SLC35D4: variants seen among roughly 807,000 people sequenced by gnomAD.
SLC35D4 encodes the protein solute carrier family 35 member D4, also known as UDP-N-acetylglucosamine transporter SLC35D4.
chr18:23,280,520 G>A, the SLC35D4 span, among the ~76,000 whole-genome samples: 14 of 152,230 alleles, frequency 9.2e-5, no homozygotes, highest in Admixed American at 6.5e-5. Flanking sequence ...GGATATTTCA[G>A]AAGTAGTTGC....
At chr18:23,377,624 G>A in the SLC35D4 span, 3,783 of 1,570,474 alleles carry the variant, frequency 2.4e-3, 10 homozygotes, top group Non-Finnish European at 3.0e-3. Flanking sequence ...ATGGCTTTTT[G>A]GGGGGAGGGC....
chr18:23,246,447 A>G, the SLC35D4 span, among the ~76,000 whole-genome samples: 1 of 151,852 alleles, frequency 6.6e-6, no homozygotes, highest in Non-Finnish European at 1.5e-5. Flanking sequence ...GCTGAAGTGC[A>G]GTGGCAAGAT....
chr18:23,406,223 G>A, the SLC35D4 span, among the ~76,000 whole-genome samples: 1 of 152,178 alleles, frequency 6.6e-6, no homozygotes, highest in Admixed American at 6.5e-5. Flanking sequence ...CCAAGGAACT[G>A]CCAGCAATTT....
At chr18:23,399,699 A>C in the SLC35D4 span, 1 of 1,584,278 alleles carries the variant, frequency 6.3e-7, no homozygotes, top group Non-Finnish European at 8.6e-7. Flanking sequence ...TTGTTAAGAA[A>C]GACCTAGCTG....
chr18:23,258,466 C>T, the SLC35D4 span: 5 of 152,182 alleles, frequency 3.3e-5, no homozygotes, highest in African/African-American at 2.4e-5. Flanking sequence ...AACATTCCCA[C>T]GTGCCCAGGG....
chr18:23,412,791 T>G, the SLC35D4 span, among the ~76,000 whole-genome samples: 1 of 152,206 alleles, frequency 6.6e-6, no homozygotes, highest in Non-Finnish European at 1.5e-5. Flanking sequence ...CAACCGTTTA[T>G]GTATTGTCTG....
chr18:23,285,142 G>A, the SLC35D4 span, among the ~76,000 whole-genome samples: 4 of 152,002 alleles, frequency 2.6e-5, no homozygotes, highest in Non-Finnish European at 4.4e-5. Flanking sequence ...TCTGTGCCCC[G>A]ATCCCTTATT....
At chr18:23,295,453 G>A in the SLC35D4 span, among the ~76,000 whole-genome samples, 1 of 152,030 alleles carries the variant, frequency 6.6e-6, no homozygotes, top group Non-Finnish European at 1.5e-5. Flanking sequence ...ATTAATAAGT[G>A]TAAGGTACCT....
chr18:23,344,790 C>T, the SLC35D4 span, among the ~76,000 whole-genome samples: 4 of 151,850 alleles, frequency 2.6e-5, no homozygotes, highest in Non-Finnish European at 4.4e-5. Context: ...TTAATAGAGA[C>T]CAGGTTTCAC....
chr18:23,302,078 A>G, the SLC35D4 span, among the ~76,000 whole-genome samples: 1 of 152,226 alleles, frequency 6.6e-6, no homozygotes, highest in African/African-American at 2.4e-5. Flanking sequence ...CTAGGCCTAG[A>G]GATGCAAAGG....
chr18:23,326,402 C>G, the SLC35D4 span, among the ~76,000 whole-genome samples: 1 of 152,118 alleles, frequency 6.6e-6, no homozygotes, highest in African/African-American at 2.4e-5. Context: ...GGTTGCAATC[C>G]TAGTCTCTGA....
At chr18:23,369,106 C>T in the SLC35D4 span, among the ~76,000 whole-genome samples, 2 of 152,220 alleles carry the variant, frequency 1.3e-5, no homozygotes, top group Non-Finnish European at 2.9e-5. Flanking sequence ...AGTGTAAGTA[C>T]TGTATGTTCC....
the SLC35D4 span, among the ~76,000 whole-genome samples, chr18:23,290,191 CCA>C: frequency 5.9e-5 from 9 of 152,234 alleles, no homozygotes; most frequent in South Asian, 1.0e-3. Context: ...TCAGCACCTC[CCA>C]CACGTTTCAT....
the SLC35D4 span, among the ~76,000 whole-genome samples, chr18:23,340,175 C>A: frequency 3.9e-4 from 59 of 151,872 alleles, no homozygotes; most frequent in Non-Finnish European, 1.8e-4. Context: ...CTCATCTCTA[C>A]AAAAAAATAA....
At chr18:23,413,485 C>T in the SLC35D4 span, among the ~76,000 whole-genome samples, 3 of 152,176 alleles carry the variant, frequency 2.0e-5, no homozygotes, top group Non-Finnish European at 2.9e-5. Flanking sequence ...TACCCTGTAC[C>T]CTCCACTGTA....
chr18:23,267,063 T>C, the SLC35D4 span, among the ~76,000 whole-genome samples: 3,808 of 152,296 alleles, frequency 0.025, 171 homozygotes, highest in African/African-American at 0.088. Flanking sequence ...CGCATCTGCA[T>C]GGGGCCTGAC....
chr18:23,382,594 T>C, the SLC35D4 span, among the ~76,000 whole-genome samples: 42 of 152,288 alleles, frequency 2.8e-4, no homozygotes, highest in East Asian at 1.7e-3. Context: ...GACACATCAT[T>C]GATTGTAAGA....
At chr18:23,326,518 T>G in the SLC35D4 span, among the ~76,000 whole-genome samples, 1 of 152,190 alleles carries the variant, frequency 6.6e-6, no homozygotes, top group African/African-American at 2.4e-5. Context: ...TAAATATATA[T>G]GCACCCAATA....
chr18:23,432,844 G>C, the SLC35D4 span, among the ~76,000 whole-genome samples: 1 of 151,784 alleles, frequency 6.6e-6, no homozygotes, highest in Non-Finnish European at 1.5e-5. Flanking sequence ...AGCCGGACAT[G>C]GTTGTGCAAG....
Sources: allele counts gnomAD v4.1 joint callset (sites outside exome capture counted in the v4.1 genomes callset), GRCh38; gene constraint gnomAD v4.1.1; transcripts MANE v1.5; gene names NCBI Gene and HGNC (gene_info 2026-07-23, HGNC 2026-07-21).